Variants in PRUNE2 observed in about 807,000 individuals in gnomAD.
PRUNE2 encodes protein prune homolog 2.
Under a neutral mutation model 252.0 loss-of-function variants are expected in PRUNE2, and 164 were observed. That is an observed-to-expected ratio of 0.65 (90% CI 0.57 to 0.74). The LOEUF (loss-of-function observed/expected upper bound fraction) is 0.74. Ranked by LOEUF, PRUNE2 falls within the 30% of genes least tolerant of loss-of-function variation. The pLI, the probability that PRUNE2 is intolerant of heterozygous loss-of-function variation, is 0.00. For synonymous variants in PRUNE2, 1,292 were observed against 1,350.2 expected (o/e 0.96, Z 0.94); for missense variants, 3,495 against 3,711.0 (o/e 0.94, Z 1.51).
intron 12 of PRUNE2, 33 bp from the exon 13 acceptor site, chr9:76,638,321 A>G (rs370527086): frequency 2.2e-4 from 312 of 1,444,806 alleles, no homozygotes; most frequent in Non-Finnish European, 4.7e-5. Context: ...CTTGTAACCA[A>G]TTGAAAGCTC....
chr9:76,807,913 C>T (rs938868795), intron 6 of PRUNE2, among the ~76,000 whole-genome samples: 1 of 152,234 alleles, frequency 6.6e-6, no homozygotes, highest in Non-Finnish European at 1.5e-5. Context: ...TGTGGTGGCT[C>T]ACGCCTGTAA....
intron 4 of PRUNE2, among the ~76,000 whole-genome samples, chr9:76,836,649 T>TG (rs2058995447): frequency 6.6e-6 from 1 of 152,292 alleles, no homozygotes; most frequent in Non-Finnish European, 1.5e-5. Context: ...TTTCTAAGTT[T>TG]GGGGGTATAT....
intron 1 of PRUNE2, chr9:76,856,437 G>A (rs2060253161): frequency 6.6e-6 from 1 of 152,120 alleles, no homozygotes; most frequent in African/African-American, 2.4e-5. Context: ...CAACTTACAG[G>A]AAAGAAGACA....
intron 6 of PRUNE2, among the ~76,000 whole-genome samples, chr9:76,768,154 G>A (rs2130874828): frequency 6.6e-6 from 1 of 152,054 alleles, no homozygotes; most frequent in East Asian, 1.9e-4. Flanking sequence ...CAGAAAGCTT[G>A]GCTATACCTT....
At chr9:76,826,464 C>T (rs2058351466) in intron 5 of PRUNE2, 116 bp downstream of exon 5, 1 of 778,066 alleles carries the variant, frequency 1.3e-6, no homozygotes, top group African/African-American at 1.8e-5. Context: ...TAGAGTGAGA[C>T]TCTGTATAAA....
chr9:76,740,849 G>GT, intron 6 of PRUNE2, among the ~76,000 whole-genome samples: 1 of 152,230 alleles, frequency 6.6e-6, no homozygotes, highest in Admixed American at 6.5e-5. Context: ...AACTAATTTT[G>GT]TTTTTTAAAT....
chr9:76,623,656 A>G (rs1833410892), intron 17 of PRUNE2, among the ~76,000 whole-genome samples: 1 of 152,332 alleles, frequency 6.6e-6, no homozygotes, highest in African/African-American at 2.4e-5. Context: ...AGAGATGCAA[A>G]TAATTTCTGT....
intron 1 of PRUNE2, among the ~76,000 whole-genome samples, chr9:76,894,077 G>T (rs983595651): frequency 6.6e-6 from 1 of 152,190 alleles, no homozygotes; most frequent in Non-Finnish European, 1.5e-5. Flanking sequence ...CTTGCAATTT[G>T]CCCACCATCT....
In PRUNE2 at chr9:76,670,816, C is replaced by T. The variant is rs1370870704; in HGVS notation, c.8277-15314G>A. ...CACTGACACCTCACACGGCAGGGTA[C>T]TCCAACAGACCTGCAGCTGAGGGTC... On this transcript the variant is annotated intron_variant, in intron 9 of 18. Transcript: ENST00000376718. Among the ~76,000 whole-genome samples the T allele has an allele frequency of 4.7e-3, 708 of 149,528 alleles. 1 individual carries two copies. The highest frequency in any genetic ancestry group is 0.027 in the South Asian group (126 of 4,648).
chr9:76,873,736 A>G (rs903585776), intron 1 of PRUNE2, among the ~76,000 whole-genome samples: 11 of 152,218 alleles, frequency 7.2e-5, no homozygotes, highest in African/African-American at 2.7e-4. Context: ...CTGGCCAACT[A>G]TGGACGGGCT....
chr9:76,810,545 C>T (rs563195423), intron 6 of PRUNE2, among the ~76,000 whole-genome samples: 5 of 152,276 alleles, frequency 3.3e-5, no homozygotes, highest in South Asian at 2.1e-4. Flanking sequence ...CACCACTAGG[C>T]GACACCACTG....
At chr9:76,683,807 T>C (rs10123752) in intron 9 of PRUNE2, among the ~76,000 whole-genome samples, 33,355 of 151,856 alleles carry the variant, frequency 0.22, 3,832 homozygotes, top group Admixed American at 0.29. Flanking sequence ...GTGCATGTAT[T>C]TATCTATATA....
intron 18 of PRUNE2, among the ~76,000 whole-genome samples, chr9:76,618,423 C>T (rs1421602651): frequency 6.6e-6 from 1 of 152,192 alleles, no homozygotes; most frequent in Non-Finnish European, 1.5e-5. Context: ...TTGCTAGGAA[C>T]AAGGGCAATG....
intron 1 of PRUNE2, chr9:76,856,952 C>T (rs2060283295): frequency 5.1e-6 from 2 of 389,560 alleles, no homozygotes; most frequent in Non-Finnish European, 1.0e-5. Context: ...CGGAGTTTCA[C>T]CATGTTGGCC....
intron 4 of PRUNE2, among the ~76,000 whole-genome samples, chr9:76,837,835 A>T (rs865784691): frequency 1.6e-4 from 24 of 149,908 alleles, no homozygotes; most frequent in Non-Finnish European, 3.1e-4. Flanking sequence ...GCAGTGGCGC[A>T]ATCTCGGCTC....
intron 3 of PRUNE2, among the ~76,000 whole-genome samples, chr9:76,847,312 C>T (rs1398975396): frequency 7.0e-6 from 1 of 142,916 alleles, no homozygotes; most frequent in South Asian, 2.2e-4. Context: ...GGCAATAGAG[C>T]GAGAATCTGT....
chr9:76,698,712 T>C (rs1214114819), intron 9 of PRUNE2, among the ~76,000 whole-genome samples: 1 of 152,122 alleles, frequency 6.6e-6, no homozygotes, highest in Non-Finnish European at 1.5e-5. Context: ...CCATAAGTCA[T>C]AGACAGAAAA....
intron 6 of PRUNE2, among the ~76,000 whole-genome samples, chr9:76,735,737 T>C (rs2049019971): frequency 6.6e-6 from 1 of 152,242 alleles, no homozygotes; most frequent in South Asian, 2.1e-4. Context: ...TTGGCTTTTC[T>C]ACATATGATC....
At chr9:76,822,915 C>T (rs2058118203) in intron 6 of PRUNE2, among the ~76,000 whole-genome samples, 1 of 152,176 alleles carries the variant, frequency 6.6e-6, no homozygotes, top group Admixed American at 6.5e-5. Flanking sequence ...AGCTAAGTGC[C>T]CAACCAAATG....
Sources: gnomAD v4.1 joint callset for allele counts (sites outside exome capture counted in the v4.1 genomes callset) on GRCh38, gnomAD v4.1.1 for gene constraint, MANE v1.5 for transcripts, NCBI Gene and HGNC (gene_info 2026-07-23, HGNC 2026-07-21) for gene names.